DEPDC4: variants seen among roughly 807,000 people sequenced by gnomAD.
DEPDC4 encodes DEP domain-containing protein 4.
A neutral mutation model predicts 52.0 loss-of-function variants in DEPDC4; 52 were observed. The ratio of observed to expected loss-of-function variants is 1.00; its 90% CI spans 0.80 to 1.26. The LOEUF is 1.26. Among genes scored for constraint, DEPDC4 ranks in the 50% most tolerant of loss-of-function variants. DEPDC4 has a pLI of 0.00. For missense variants in DEPDC4, 530 were observed against 546.9 expected (o/e 0.97, Z 0.31); for synonymous variants, 201 against 196.8 (o/e 1.02, Z -0.18).
the DEPDC4 span, among the ~76,000 whole-genome samples, chr12:100,279,545 T>G: frequency 6.6e-6 from 1 of 152,256 alleles, no homozygotes; most frequent in Non-Finnish European, 1.5e-5. Context: ...AATTTTTTTG[T>G]GCATGTTATG....
At chr12:100,237,783 T>C (rs1174729177), downstream of DEPDC4, 1 of 152,254 alleles carries the variant, frequency 6.6e-6, no homozygotes, top group African/African-American at 2.4e-5. Context: ...AATAGCTCGA[T>C]CTTAAAAATA....
intron 7 of DEPDC4, among the ~76,000 whole-genome samples, chr12:100,251,875 C>G (rs1312074400): frequency 6.6e-6 from 1 of 151,446 alleles, no homozygotes; most frequent in Non-Finnish European, 1.5e-5. Context: ...GGCCTGTTAT[C>G]TTTCTGTATA....
rs754628362 is a variant in DEPDC4, at chr12:100,266,899, G to A, written c.157+21C>T. On this transcript the variant is annotated intron_variant, in intron 1 of 9. Coordinates refer to ENST00000550587, the MANE Select transcript of DEPDC4 (RefSeq NM_001364818.2). ...CCCCCTCCACCTTCACTGCACATTTGGCTAGGATATACAGGGCTACCTGTC... is the reference window on the plus strand; with the variant it reads ...CCCCCTCCACCTTCACTGCACATTTAGCTAGGATATACAGGGCTACCTGTC... 1.0e-5 allele frequency: 16 copies of A among 1,607,816 alleles called. No homozygotes were observed. The Admixed American group carries it at 1.4e-4, about 14-fold the overall frequency.
chr12:100,272,596 T>A, the DEPDC4 span, among the ~76,000 whole-genome samples: 1 of 152,194 alleles, frequency 6.6e-6, no homozygotes, highest in African/African-American at 2.4e-5. Flanking sequence ...TGAGTGTCAT[T>A]CAGGCAGCTC....
chr12:100,272,107 T>C, the DEPDC4 span, among the ~76,000 whole-genome samples: 1 of 152,174 alleles, frequency 6.6e-6, no homozygotes, highest in African/African-American at 2.4e-5. Flanking sequence ...TACACAGTCT[T>C]GGAATCATAC....
At chr12:100,237,989 A>G, downstream of DEPDC4, 1 of 803,750 alleles carries the variant, frequency 1.2e-6, no homozygotes. Context: ...TGAACATTAA[A>G]ATGGCAACTT....
chr12:100,253,195 G>T (rs1198930278), intron 5 of DEPDC4, among the ~76,000 whole-genome samples: 2 of 152,218 alleles, frequency 1.3e-5, no homozygotes, highest in Admixed American at 6.5e-5. Context: ...TGGGATTACA[G>T]GTGTGAGCCA....
chr12:100,238,181 C>CTTT, downstream of DEPDC4: 2 of 296,210 alleles, frequency 6.8e-6, no homozygotes, highest in Non-Finnish European at 9.7e-6. Flanking sequence ...AATTGGGTTG[C>CTTT]TTTTTTTTTT....
chr12:100,272,501 C>T, the DEPDC4 span, among the ~76,000 whole-genome samples: 16 of 152,084 alleles, frequency 1.1e-4, no homozygotes, highest in South Asian at 2.1e-4. Context: ...ACTGGCTCAT[C>T]GTGCACCAAT....
chr12:100,271,760 T>C (rs775901425), upstream of DEPDC4, among the ~76,000 whole-genome samples: 5 of 151,954 alleles, frequency 3.3e-5, no homozygotes, highest in Non-Finnish European at 5.9e-5. Flanking sequence ...TGCTTTATAA[T>C]ATTTTATTCT....
the DEPDC4 span, among the ~76,000 whole-genome samples, chr12:100,281,287 C>T: frequency 6.6e-6 from 1 of 152,026 alleles, no homozygotes; most frequent in African/African-American, 2.4e-5. Flanking sequence ...CATCAGCCTC[C>T]TAAAGTGCTG....
At position 100,252,304 on chromosome 12, in the gene DEPDC4, G is replaced by C; in HGVS notation, c.1249-3C>G. The C allele has an allele frequency of 6.8e-7, 1 of 1,477,322 alleles. No individual in the cohort carries two copies. The allele number at this position is 1,477,322 out of a possible 1,614,324, so 91.5% of individuals were successfully genotyped here. On this transcript the variant is annotated splice_region_variant and splice_polypyrimidine_tract_variant and intron_variant, in intron 6 of 9. Coordinates refer to ENST00000550587, the MANE Select transcript of DEPDC4 (RefSeq NM_001364818.2). Reference sequence around the variant, plus strand: ...AGGACCACTGTTTTATTATCATACTGTAAACAGAAAGATTAACATTAGCAT... The same window carrying C: ...AGGACCACTGTTTTATTATCATACTCTAAACAGAAAGATTAACATTAGCAT...
At chr12:100,242,275 C>G (rs935079995) in intron 9 of DEPDC4, among the ~76,000 whole-genome samples, 2 of 150,094 alleles carry the variant, frequency 1.3e-5, no homozygotes, top group African/African-American at 4.9e-5. Context: ...CTCACCAAAG[C>G]AGTTCTCAGA....
chr12:100,266,873 G>GC, intron 1 of DEPDC4, 47 bp downstream of exon 1: 1 of 1,582,870 alleles, frequency 6.3e-7, no homozygotes. Context: ...CCCTTCAGCT[G>GC]CCCCCTCCAC....
chr12:100,233,329 T>A (rs1019595180), intron 9 of DEPDC4, among the ~76,000 whole-genome samples: 1 of 152,194 alleles, frequency 6.6e-6, no homozygotes, highest in Non-Finnish European at 1.5e-5. Context: ...GTATAAAATG[T>A]TCTCGGCAAC....
At chr12:100,246,551 G>A (rs1566311856) in intron 8 of DEPDC4, among the ~76,000 whole-genome samples, 1 of 152,138 alleles carries the variant, frequency 6.6e-6, no homozygotes, top group Non-Finnish European at 1.5e-5. Context: ...CACAACTATA[G>A]AGATTCAAAA....
At chr12:100,267,972 C>T (rs2096281268), upstream of DEPDC4, among the ~76,000 whole-genome samples, 1 of 152,116 alleles carries the variant, frequency 6.6e-6, no homozygotes. Flanking sequence ...GTTACTCCTG[C>T]AGTCTTGTTT....
chr12:100,241,452 C>G lies in DEPDC4; in HGVS notation c.*440G>C, dbSNP rs1438591200. On this transcript the variant is annotated 3_prime_UTR_variant, in exon 10 of 10. Coordinates refer to ENST00000550587, the MANE Select transcript of DEPDC4 (RefSeq NM_001364818.2). Reference sequence around the variant, plus strand: ...GTGACTCATGCCTATAATCCCAGCACTTTAAGAGGCCAAGGCAGGAGGATG... The same window carrying G: ...GTGACTCATGCCTATAATCCCAGCAGTTTAAGAGGCCAAGGCAGGAGGATG... Among the ~76,000 whole-genome samples the G allele has an allele frequency of 6.6e-6, 1 of 152,082 alleles. No individual in the cohort carries two copies. The highest frequency in any genetic ancestry group is 1.5e-5 in the Non-Finnish European group (1 of 68,016).
intron 8 of DEPDC4, among the ~76,000 whole-genome samples, chr12:100,244,117 A>G (rs1164571877): frequency 1.4e-4 from 17 of 117,788 alleles, no homozygotes; most frequent in African/African-American, 3.6e-4. Context: ...ATATATATAT[A>G]TATATATATA....
Sources: gnomAD v4.1 joint callset for allele counts (sites outside exome capture counted in the v4.1 genomes callset) on GRCh38, gnomAD v4.1.1 for gene constraint, MANE v1.5 for transcripts, NCBI Gene and HGNC (gene_info 2026-07-23, HGNC 2026-07-21) for gene names.